Variants in CBY2 observed in about 807,000 individuals in gnomAD.
CBY2 encodes chibby family member 2.
In CBY2, 23 loss-of-function variants were observed where a neutral mutation model predicts 25.3. That is an observed-to-expected ratio of 0.91 (90% CI 0.65 to 1.29). The LOEUF (loss-of-function observed/expected upper bound fraction) is 1.29. Ranked by LOEUF, CBY2 falls within the 50% of genes most tolerant of loss-of-function variation. The pLI, the probability that CBY2 is intolerant of heterozygous loss-of-function variation, is 0.00. For missense variants in CBY2, 642 were observed against 590.7 expected, an observed-to-expected ratio of 1.09 and a Z score of -0.90; for synonymous variants, 279 against 260.2, an observed-to-expected ratio of 1.07 and a Z score of -0.70.
intron 2 of CBY2, chr13:45,703,344 C>T (rs2137499246): frequency 7.0e-7 from 1 of 1,422,298 alleles, no homozygotes; most frequent in South Asian, 1.5e-5. Flanking sequence ...GATGTAGGGG[C>T]CATGGGCATA....
intron 2 of CBY2, among the ~76,000 whole-genome samples, chr13:45,710,574 C>A (rs1483479044): frequency 6.6e-6 from 1 of 152,262 alleles, no homozygotes; most frequent in South Asian, 2.1e-4. Context: ...AAAACATTCA[C>A]GTCTTTGGCT....
In CBY2 at chr13:45,714,047, A is replaced by T. The variant is rs1950296422; in HGVS notation, c.1022A>T (p.Glu341Val). 1 of 1,499,638 alleles carries T rather than the reference A, an allele frequency of 6.7e-7. No homozygotes were observed. The highest frequency in any genetic ancestry group is 1.4e-5 in the African/African-American group (1 of 71,480). 92.9% of individuals were successfully genotyped at this position (1,499,638 alleles called of 1,614,324 possible). A position where few individuals can be genotyped will look rare whatever the true frequency, so the allele number is the denominator to read the frequency against. Residue 341 changes from glutamate (E) to valine (V), a missense_variant, in exon 3 of 3, where the codon GAG (glutamate) becomes GTG (valine). By Grantham distance (121) the Glu-to-Val change is moderately radical. Coordinates refer to ENST00000310521, the MANE Select transcript of CBY2 (RefSeq NM_152719.3). Reference sequence around the variant, plus strand: ...AACATGTCCGGGCCCTCCGGGGAGGAGGAGGCCAAGGTGGGCCCGGGCCTG... The same window carrying T: ...AACATGTCCGGGCCCTCCGGGGAGGTGGAGGCCAAGGTGGGCCCGGGCCTG... ...VSNMSGPSGE[E>V]EAKVGPGLPD...
chr13:45,702,902 T>C, intron 2 of CBY2, 47 bp downstream of exon 2: 3 of 1,434,928 alleles, frequency 2.1e-6, no homozygotes, highest in Non-Finnish European at 2.9e-6. Context: ...TTAGCCAGAA[T>C]AACCCCCCAT....
At position 45,713,789 on chromosome 13, in the gene CBY2, G is replaced by A. The variant is rs752329859; in HGVS notation, c.764G>A (p.Arg255His). Residue 255 changes from arginine (R) to histidine (H), a missense_variant, in exon 3 of 3, where the codon CGC becomes CAC. Transcript: ENST00000310521. The surrounding 1 kb of genome is among the most constrained non-coding windows in gnomAD (Gnocchi z 5.0). Reference sequence around the variant, plus strand: ...CTGCAGCTCCTCCGGGAGGAGAATCGCGCGCTGCAGCAGCTGCTGGAGCAG... The same window carrying A: ...CTGCAGCTCCTCCGGGAGGAGAATCACGCGCTGCAGCAGCTGCTGGAGCAG... ...STLQLLREEN[R>H]ALQQLLEQKQ... The A allele has an allele frequency of 5.7e-6, 9 of 1,580,990 alleles. No individual in the cohort carries two copies. Among genetic ancestry groups the A allele is most frequent in the African/African-American group, 2.7e-5 (2 of 74,122 alleles).
intron 2 of CBY2, among the ~76,000 whole-genome samples, chr13:45,707,624 G>T (rs1304368753): frequency 6.6e-6 from 1 of 152,204 alleles, no homozygotes; most frequent in African/African-American, 2.4e-5. Context: ...ACAAGGGATA[G>T]GTCACTGTGC....
At position 45,702,381 on chromosome 13, in the gene CBY2, T is replaced by C. The variant is rs1214751547; in HGVS notation, c.-10T>C. On this transcript the variant is annotated 5_prime_UTR_variant, in exon 1 of 3. Coordinates refer to ENST00000310521, the MANE Select transcript of CBY2 (RefSeq NM_152719.3). ...ACCATGAGCCCTGAAAAACACCATATTGTTTTGTGATGTCACCTCTGGAAT... is the reference window on the plus strand; with the variant it reads ...ACCATGAGCCCTGAAAAACACCATACTGTTTTGTGATGTCACCTCTGGAAT... The C allele has an allele frequency of 6.2e-6, 10 of 1,613,158 alleles. No homozygotes were observed. In the South Asian group the frequency reaches 9.9e-5, roughly 16 times the overall value.
intron 2 of CBY2, among the ~76,000 whole-genome samples, chr13:45,712,054 G>C (rs904241741): frequency 2.6e-5 from 4 of 152,220 alleles, no homozygotes; most frequent in African/African-American, 7.2e-5. Context: ...AGAAGGCTGG[G>C]CTGACCAACG....
At position 45,703,269 on chromosome 13, in the gene CBY2, G is replaced by T. The variant is rs1378182794; in HGVS notation, c.156+414G>T. The T allele has an allele frequency of 5.3e-6, 7 of 1,314,020 alleles. No individual in the cohort carries two copies. The African/African-American group carries it at 8.9e-5, about 17-fold the overall frequency. The allele number at this position is 1,314,020 out of a possible 1,614,324, so 81.4% of individuals were successfully genotyped here. ...CCATGAGAAGAAAACCTCATCCGTG[G>T]ACAAAGGGGTACAGAGTTATTTGGA... is the stretch of plus-strand genomic sequence containing the variant. On this transcript the variant is annotated intron_variant, in intron 2 of 2. Coordinates refer to ENST00000310521, the MANE Select transcript of CBY2 (RefSeq NM_152719.3).
In CBY2 at chr13:45,713,148, C is replaced by T. The variant is rs1398798517; in HGVS notation, c.157-34C>T. 3 of 1,532,218 alleles carry T rather than the reference C, an allele frequency of 2.0e-6. No individual in the cohort carries two copies. In the South Asian group the frequency reaches 3.6e-5, roughly 18 times the overall value. 94.9% of individuals were successfully genotyped at this position (1,532,218 alleles called of 1,614,324 possible). Reference sequence around the variant, plus strand: ...CCAGCCCCAAGTGTGTCAGTCCCATCGTTAACGCTGGGCTTTCCCATTCTC... The same window carrying T: ...CCAGCCCCAAGTGTGTCAGTCCCATTGTTAACGCTGGGCTTTCCCATTCTC... On this transcript the variant is annotated intron_variant, in intron 2 of 2. Transcript: ENST00000310521. The surrounding 1 kb of genome is among the most constrained non-coding windows in gnomAD (Gnocchi z 5.0).
intron 2 of CBY2, chr13:45,703,663 T>A: frequency 1.5e-6 from 2 of 1,305,954 alleles, no homozygotes; most frequent in Non-Finnish European, 2.2e-6. Flanking sequence ...TCCATATATA[T>A]AATTGTAACA....
intron 2 of CBY2, among the ~76,000 whole-genome samples, chr13:45,708,072 A>G (rs1312401330): frequency 6.6e-6 from 1 of 152,192 alleles, no homozygotes; most frequent in Non-Finnish European, 1.5e-5. Flanking sequence ...CTCTGAGAGA[A>G]GTAGGGCAGA....
intron 2 of CBY2, among the ~76,000 whole-genome samples, chr13:45,710,485 T>C (rs1166755075): frequency 6.6e-6 from 1 of 152,176 alleles, no homozygotes; most frequent in African/African-American, 2.4e-5. Flanking sequence ...ATCGTACCAC[T>C]GCACTCCAGC....
rs769093708 is a variant in CBY2 at position 45,713,246 on chromosome 13, A to T, written c.221A>T (p.Gln74Leu). ...TACAGCACCCCTCGCTGCGCGCAGCAGGCCGCCCTGCCCCGGCTGAGCCGC... is the reference window on the plus strand; with the variant it reads ...TACAGCACCCCTCGCTGCGCGCAGCTGGCCGCCCTGCCCCGGCTGAGCCGC... ...NLYSTPRCAQ[Q>L]AALPRLSRRM... The change falls in exon 3 of 3, where the codon CAG becomes CTG. Residue 74 changes from glutamine to leucine, a missense_variant. Physicochemically the swap from Gln to Leu is moderately radical, Grantham distance 113 (BLOSUM62 -2). Coordinates refer to ENST00000310521, the MANE Select transcript of CBY2 (RefSeq NM_152719.3). This position sits in a 1 kb window ranked among gnomAD's most constrained non-coding sequence, Gnocchi z 5.0. The T allele has an allele frequency of 9.9e-6, 16 of 1,613,654 alleles. No individual in the cohort carries two copies. The highest frequency in any genetic ancestry group is 1.3e-5 in the African/African-American group (1 of 75,056).
chr13:45,703,992 T>C (rs549380988), intron 2 of CBY2, among the ~76,000 whole-genome samples: 1 of 152,306 alleles, frequency 6.6e-6, no homozygotes, highest in Non-Finnish European at 1.5e-5. Context: ...TCCAGAATCC[T>C]GGGGCCCCTC....
Position 45,713,228 on chromosome 13 carries a change from C to A in CBY2, c.203C>A (p.Thr68Asn), listed in dbSNP as rs760200216. 6.2e-7 allele frequency: 1 copy of A among 1,613,524 alleles called. No homozygotes were observed. ...PFPRLHNLYS[T>N]PRCAQQAALP... The stretch of plus-strand genomic sequence containing the variant: ...CCGAGGCTCCACAACTTGTACAGCA[C>A]CCCTCGCTGCGCGCAGCAGGCCGCC... Residue 68 changes from threonine (T) to asparagine (N), a missense_variant, in exon 3 of 3, where the codon ACC becomes AAC. Coordinates refer to ENST00000310521, the MANE Select transcript of CBY2 (RefSeq NM_152719.3). This position sits in a 1 kb window ranked among gnomAD's most constrained non-coding sequence, Gnocchi z 5.0.
intron 2 of CBY2, among the ~76,000 whole-genome samples, chr13:45,711,539 C>T (rs1950270213): frequency 6.6e-6 from 1 of 152,150 alleles, no homozygotes; most frequent in African/African-American, 2.4e-5. Context: ...AATGCTGGTG[C>T]AACCCTCACT....
At chr13:45,710,883 C>G (rs1346992452) in intron 2 of CBY2, among the ~76,000 whole-genome samples, 2 of 152,220 alleles carry the variant, frequency 1.3e-5, no homozygotes, top group East Asian at 3.8e-4. Context: ...TTATCTAGCT[C>G]TTTAAGTTTT....
Sources: gnomAD v4.1 joint callset for allele counts (sites outside exome capture counted in the v4.1 genomes callset) on GRCh38, gnomAD v4.1.1 for gene constraint, Gnocchi (gnomAD v3.1) non-coding constraint, MANE v1.5 for transcripts, NCBI Gene and HGNC (gene_info 2026-07-23, HGNC 2026-07-21) for gene names.